PCDHA13: variants seen among roughly 807,000 people sequenced by gnomAD.
PCDHA13 encodes protocadherin alpha 13.
Under a neutral mutation model 64.8 loss-of-function variants are expected in PCDHA13, and 54 were observed. The ratio of observed to expected loss-of-function variants is 0.83; its 90% CI spans 0.67 to 1.04. PCDHA13 has a LOEUF of 1.04. Among genes scored for constraint, PCDHA13 ranks in the 50% least tolerant of loss-of-function variants. The probability of loss-of-function intolerance (pLI) is 0.00; values close to 1 mark genes in which losing one functional copy is unlikely to be tolerated. For synonymous variants in PCDHA13, 587 were observed against 564.4 expected (o/e 1.04, Z -0.57); for missense variants, 1,248 against 1,254.3 (o/e 0.99, Z 0.08).
intron 1 of PCDHA13, among the ~76,000 whole-genome samples, chr5:140,962,106 C>T (rs1156902232): frequency 4.6e-5 from 7 of 152,130 alleles, no homozygotes; most frequent in Non-Finnish European, 7.4e-5. Context: ...AGGATGGTCT[C>T]GATCTCCTAA....
At chr5:141,003,988 C>T (rs1554259401) in intron 3 of PCDHA13, among the ~76,000 whole-genome samples, 1 of 152,120 alleles carries the variant, frequency 6.6e-6, no homozygotes, top group African/African-American at 2.4e-5. Context: ...TGCCGGAGAT[C>T]CTAGAAGGGA....
chr5:140,886,159 C>T (rs1006053368), intron 1 of PCDHA13, among the ~76,000 whole-genome samples: 16 of 152,164 alleles, frequency 1.1e-4, no homozygotes, highest in Non-Finnish European at 2.1e-4. Flanking sequence ...TTTTTATAGC[C>T]ACATCTGCTT....
intron 1 of PCDHA13, chr5:140,969,308 A>G (rs782412499): frequency 1.9e-6 from 3 of 1,614,196 alleles, no homozygotes; most frequent in Middle Eastern, 3.3e-4. Context: ...TATTCTCAAA[A>G]ATGAGGCTGT....
rs543069895 is a variant in PCDHA13, at chr5:140,958,338, G to A, written c.2395-20611G>A. 2.0e-4 allele frequency among the ~76,000 whole-genome samples: 30 copies of A among 152,108 alleles called. No homozygotes were observed. In the South Asian group the frequency reaches 6.0e-3, roughly 31 times the overall value. ...GAGCTCAAAAAATAAATAAATCACA[G>A]GAAGTTCACAGTCTGACTTTATCAG... On this transcript the variant is annotated intron_variant, in intron 1 of 3. Transcript: ENST00000289272.
In PCDHA13 at chr5:140,882,182, G is replaced by A. The variant is rs1357141908; in HGVS notation, c.-87G>A. The A allele has an allele frequency of 6.6e-7, 1 of 1,518,510 alleles. No homozygotes were observed. Among genetic ancestry groups the A allele is most frequent in the Non-Finnish European group, 8.8e-7 (1 of 1,134,036 alleles). The allele number at this position is 1,518,510 out of a possible 1,614,324, so 94.1% of individuals were successfully genotyped here. On this transcript the variant is annotated 5_prime_UTR_variant, in exon 1 of 4. Transcript: ENST00000289272. ...CCTCTTGCGAATCCTTCCGCACTAGGAAGCCATAAAAATTGGGCCTTGAGA... is the reference window on the plus strand; with the variant it reads ...CCTCTTGCGAATCCTTCCGCACTAGAAAGCCATAAAAATTGGGCCTTGAGA...
At chr5:140,895,340 A>G (rs964651163) in intron 1 of PCDHA13, among the ~76,000 whole-genome samples, 1 of 151,822 alleles carries the variant, frequency 6.6e-6, no homozygotes, top group African/African-American at 2.4e-5. Context: ...TTGTTTTACT[A>G]TGCTTTCCAG....
chr5:140,918,633 A>G (rs2078785997), intron 1 of PCDHA13, among the ~76,000 whole-genome samples: 1 of 152,242 alleles, frequency 6.6e-6, no homozygotes, highest in Non-Finnish European at 1.5e-5. Flanking sequence ...CCCCAAATTC[A>G]TAAATTGAAA....
chr5:140,941,685 A>G (rs983394705), intron 1 of PCDHA13, among the ~76,000 whole-genome samples: 2 of 151,952 alleles, frequency 1.3e-5, no homozygotes, highest in Non-Finnish European at 2.9e-5. Flanking sequence ...TATTCTGTTT[A>G]CCTCTTTGGG....
In PCDHA13 at chr5:140,883,197, TC is replaced by T; in HGVS notation, c.930del (p.Phe310LeufsTer32). 1 of 1,613,904 alleles carries T rather than the reference TC, an allele frequency of 6.2e-7. No individual in the cohort carries two copies. The highest frequency in any genetic ancestry group is 1.7e-5 in the Admixed American group (1 of 59,996). On this transcript the variant is annotated frameshift_variant, in exon 1 of 4. Coordinates refer to ENST00000289272, the MANE Select transcript of PCDHA13 (RefSeq NM_018904.3). LOFTEE classifies it high-confidence loss of function. The stretch of plus-strand genomic sequence containing the variant: ...ATTAGGACAAAAGGCAAACTAGATT[TC>T]GAAGAAAAGAAATTATATGAAATAT... ...GEIRTKGKLD[F>X]EEKKLYEISV...
chr5:140,916,276 C>T (rs1012702427), intron 1 of PCDHA13, among the ~76,000 whole-genome samples: 4 of 152,192 alleles, frequency 2.6e-5, no homozygotes, highest in African/African-American at 7.2e-5. Flanking sequence ...GCTTGTTGCT[C>T]TACTCCACGT....
At chr5:140,884,908 T>C (rs1056953779) in intron 1 of PCDHA13, among the ~76,000 whole-genome samples, 1 of 152,234 alleles carries the variant, frequency 6.6e-6, no homozygotes, top group Admixed American at 6.5e-5. Flanking sequence ...TGTTGTATTC[T>C]TAATAGTTCT....
At chr5:141,004,348 C>A (rs1554259549) in intron 3 of PCDHA13, among the ~76,000 whole-genome samples, 1 of 152,216 alleles carries the variant, frequency 6.6e-6, no homozygotes, top group Non-Finnish European at 1.5e-5. Context: ...CTGTGAGGGA[C>A]TGGAGAGACC....
At chr5:140,914,802 T>C (rs2076849351) in intron 1 of PCDHA13, among the ~76,000 whole-genome samples, 1 of 152,202 alleles carries the variant, frequency 6.6e-6, no homozygotes, top group African/African-American at 2.4e-5. Flanking sequence ...TTTAAACTGA[T>C]GGCAACTTAA....
chr5:140,957,322 A>G (rs1356606026), intron 1 of PCDHA13, among the ~76,000 whole-genome samples: 4 of 152,202 alleles, frequency 2.6e-5, no homozygotes, highest in Admixed American at 2.0e-4. Context: ...AGGTGAGCAC[A>G]GTACAGTAAG....
rs1563652468 is a variant in PCDHA13, at chr5:141,000,419, A to ATT, written c.2543-9207_2543-9206insTT. ...TCTATATATATATATATATATATAT[A>ATT]TATTTTTTTTTTTTTTTTTTTTTTT... On this transcript the variant is annotated intron_variant, in intron 3 of 3. Transcript: ENST00000289272. 2.1e-3 allele frequency among the ~76,000 whole-genome samples: 126 copies of ATT among 60,978 alleles called. 1 individual carries two copies. The highest frequency in any genetic ancestry group is 3.3e-3 in the African/African-American group (43 of 13,160). The allele number at this position is 60,978 out of a possible 152,430, so 40.0% of individuals were successfully genotyped here. A position where few individuals can be genotyped will look rare whatever the true frequency, so the allele number is the denominator to read the frequency against.
At chr5:140,989,527 G>A (rs1172019994) in intron 3 of PCDHA13, among the ~76,000 whole-genome samples, 1 of 152,192 alleles carries the variant, frequency 6.6e-6, no homozygotes, top group Non-Finnish European at 1.5e-5. Flanking sequence ...GGGCAGAGGA[G>A]GAAGATAGTT....
chr5:140,997,675 TG>T (rs1554255972), intron 3 of PCDHA13, among the ~76,000 whole-genome samples: 41 of 151,686 alleles, frequency 2.7e-4, no homozygotes, highest in African/African-American at 9.7e-4. Flanking sequence ...AGCTTGTGTG[TG>T]TGTGTGTGTG....
chr5:140,903,543 A>C (rs1309997907), intron 1 of PCDHA13, among the ~76,000 whole-genome samples: 2 of 152,206 alleles, frequency 1.3e-5, no homozygotes, highest in East Asian at 3.8e-4. Flanking sequence ...TAGAGCAAGA[A>C]ACTTTTCTAA....
At chr5:140,976,832 A>G (rs246001) in intron 1 of PCDHA13, among the ~76,000 whole-genome samples, 14,161 of 152,268 alleles carry the variant, frequency 0.093, 806 homozygotes, top group Middle Eastern at 0.22. Context: ...AATGAGCAAA[A>G]CAGATATAAT....
Sources: allele counts gnomAD v4.1 joint callset (sites outside exome capture counted in the v4.1 genomes callset), GRCh38; gene constraint gnomAD v4.1.1; transcripts MANE v1.5; gene names NCBI Gene and HGNC (gene_info 2026-07-23, HGNC 2026-07-21).